IL1RAP: variants seen among roughly 807,000 people sequenced by gnomAD.
IL1RAP encodes the protein interleukin 1 receptor accessory protein, also known as interleukin-1 receptor accessory protein.
Under a neutral mutation model 60.7 loss-of-function variants are expected in IL1RAP, and 35 were observed. The observed-to-expected ratio is 0.58, with a 90% confidence interval of 0.44 to 0.76. The LOEUF (loss-of-function observed/expected upper bound fraction) is 0.76, where lower values mean the gene tolerates loss of function less well. Among genes scored for constraint, IL1RAP ranks in the 30% least tolerant of loss-of-function variants. The pLI is 0.00. For synonymous variants in IL1RAP, 268 were observed against 250.9 expected (o/e 1.07, Z -0.64); for missense variants, 572 against 693.9 (o/e 0.82, Z 1.97).
intron 2 of IL1RAP, among the ~76,000 whole-genome samples, chr3:190,559,202 A>G (rs933285919): frequency 1.3e-5 from 2 of 152,174 alleles, no homozygotes; most frequent in Admixed American, 1.3e-4. Context: ...CCTTATTACC[A>G]TTTGAATATC....
rs138017535 is a variant in IL1RAP at position 190,646,894 on chromosome 3, A to T, written c.1345+1052A>T. ...TTCAGTATAATTTTTCCAGGAAGTT[A>T]TGACTTAATTATACAGTTAAAGGAT... On this transcript the variant is annotated intron_variant, in intron 11 of 11. Transcript: ENST00000447382. Among the ~76,000 whole-genome samples the T allele has an allele frequency of 2.1e-3, 324 of 152,334 alleles. 1 individual carries two copies. The highest frequency in any genetic ancestry group is 6.9e-3 in the African/African-American group (287 of 41,582).
At chr3:190,654,944 T>C (rs1019762907), downstream of IL1RAP, among the ~76,000 whole-genome samples, 2 of 152,200 alleles carry the variant, frequency 1.3e-5, no homozygotes, top group African/African-American at 2.4e-5. Context: ...TAGAATCGAA[T>C]GGTTTGCCAG....
In IL1RAP at chr3:190,521,255, G is replaced by A. The variant is rs138683737; in HGVS notation, c.-89+7036G>A. Among the ~76,000 whole-genome samples the A allele has an allele frequency of 5.3e-3, 806 of 151,964 alleles. 5 individuals are homozygous for A. The highest frequency in any genetic ancestry group is 0.018 in the African/African-American group (766 of 41,456). ...TTTTTTTAATATAGAACTTTAAGTC[G>A]TCAAAATGCTTGTTATTGTATATGC... On this transcript the variant is annotated intron_variant, in intron 1 of 11. Coordinates refer to ENST00000447382, the MANE Select transcript of IL1RAP (RefSeq NM_002182.4).
At chr3:190,587,183 G>A (rs931552050) in intron 3 of IL1RAP, among the ~76,000 whole-genome samples, 2 of 152,202 alleles carry the variant, frequency 1.3e-5, no homozygotes, top group African/African-American at 4.8e-5. Context: ...AAGCAGGAAA[G>A]TGACTTGGTC....
chr3:190,607,229 G>C (rs1356573846), intron 4 of IL1RAP, among the ~76,000 whole-genome samples: 1 of 151,950 alleles, frequency 6.6e-6, no homozygotes, highest in Non-Finnish European at 1.5e-5. Context: ...CCTCCCAAAT[G>C]TTATTTAGAC....
rs201322511 is a variant in IL1RAP, at chr3:190,524,082, CGTT to C, written c.-89+9866_-89+9868del. Among the ~76,000 whole-genome samples the C allele has an allele frequency of 8.4e-3, 1,278 of 152,080 alleles. 17 individuals are homozygous for C. The highest frequency in any genetic ancestry group is 0.029 in the African/African-American group (1,211 of 41,458). On this transcript the variant is annotated intron_variant, in intron 1 of 11. Transcript: ENST00000447382. Reference sequence around the variant, plus strand: ...TTCTGACTGGTGTGAGATGGTATCTCGTTGTAGTTTTGATTTGAATTTCTCTAA... The same window carrying C: ...TTCTGACTGGTGTGAGATGGTATCTCGTAGTTTTGATTTGAATTTCTCTAA...
At chr3:190,525,441 G>T (rs1722427812) in intron 1 of IL1RAP, among the ~76,000 whole-genome samples, 1 of 152,228 alleles carries the variant, frequency 6.6e-6, no homozygotes, top group Admixed American at 6.5e-5. Context: ...GGTCAGACTG[G>T]TCTTGCAGGC....
At chr3:190,541,986 G>A (rs1723975979) in intron 1 of IL1RAP, among the ~76,000 whole-genome samples, 1 of 152,132 alleles carries the variant, frequency 6.6e-6, no homozygotes, top group African/African-American at 2.4e-5. Flanking sequence ...TTATACAAGT[G>A]ATGCCACACT....
chr3:190,568,058 A>T (rs1726575094), intron 3 of IL1RAP, among the ~76,000 whole-genome samples: 1 of 152,180 alleles, frequency 6.6e-6, no homozygotes, highest in African/African-American at 2.4e-5. Context: ...TAGTGAATTT[A>T]AAAAATATTA....
intron 3 of IL1RAP, among the ~76,000 whole-genome samples, chr3:190,592,029 G>C (rs565018214): frequency 6.6e-6 from 1 of 152,268 alleles, no homozygotes; most frequent in Non-Finnish European, 1.5e-5. Flanking sequence ...TGGTTTGTTT[G>C]TTTGTTTTGA....
chr3:190,614,802 T>G (rs938740851), intron 5 of IL1RAP, among the ~76,000 whole-genome samples: 1 of 152,120 alleles, frequency 6.6e-6, no homozygotes, highest in Non-Finnish European at 1.5e-5. Context: ...CTAGAACTGA[T>G]GTAAGGAGGG....
At chr3:190,656,067 G>A (rs116127803), downstream of IL1RAP, 2,704 of 1,537,132 alleles carry the variant, frequency 1.8e-3, 47 homozygotes, top group African/African-American at 0.033. Flanking sequence ...TTGAGCACCC[G>A]CACCCAGGCA....
chr3:190,542,288 C>A (rs1206860408), intron 1 of IL1RAP, among the ~76,000 whole-genome samples: 1 of 152,132 alleles, frequency 6.6e-6, no homozygotes, highest in Admixed American at 6.5e-5. Context: ...TCAGGGCAGA[C>A]AATCTGTTGC....
intron 3 of IL1RAP, among the ~76,000 whole-genome samples, chr3:190,588,216 C>T (rs1036375637): frequency 7.9e-5 from 12 of 152,186 alleles, no homozygotes; most frequent in Admixed American, 5.2e-4. Flanking sequence ...TGGGTTCAAG[C>T]GATTCTCCTG....
intron 9 of IL1RAP, among the ~76,000 whole-genome samples, chr3:190,635,541 G>A (rs1560234602): frequency 6.6e-6 from 1 of 152,126 alleles, no homozygotes. Context: ...ATGTTGAAAT[G>A]TCGAGTTTTT....
intron 1 of IL1RAP, among the ~76,000 whole-genome samples, chr3:190,533,662 T>G (rs892033545): frequency 1.3e-5 from 2 of 152,192 alleles, no homozygotes; most frequent in Non-Finnish European, 2.9e-5. Context: ...CAGTCGTGTC[T>G]GTGACCAGAG....
At chr3:190,558,682 A>T (rs910962161) in intron 2 of IL1RAP, among the ~76,000 whole-genome samples, 1 of 152,018 alleles carries the variant, frequency 6.6e-6, no homozygotes, top group Non-Finnish European at 1.5e-5. Context: ...AATTTTTCTC[A>T]ATGTCTTAGG....
chr3:190,645,632 T>C lies in IL1RAP; in HGVS notation c.1202-67T>C, dbSNP rs1284226565. On this transcript the variant is annotated intron_variant, in intron 10 of 11. Coordinates refer to ENST00000447382, the MANE Select transcript of IL1RAP (RefSeq NM_002182.4). Reference sequence around the variant, plus strand: ...AATGTCTAATATGCAGAAGTTAGATTTAAGAAAAATGTAATGGTATTGAGA... The same window carrying C: ...AATGTCTAATATGCAGAAGTTAGATCTAAGAAAAATGTAATGGTATTGAGA... 6.8e-6 allele frequency: 9 copies of C among 1,317,512 alleles called. No homozygotes were observed. The East Asian group carries it at 2.1e-4, about 31-fold the overall frequency. 81.6% of individuals were successfully genotyped at this position (1,317,512 alleles called of 1,614,324 possible).
At chr3:190,576,971 G>A (rs1342890466) in intron 3 of IL1RAP, among the ~76,000 whole-genome samples, 2 of 151,840 alleles carry the variant, frequency 1.3e-5, no homozygotes, top group Non-Finnish European at 2.9e-5. Context: ...CGCGGTGGCG[G>A]GCGCCTGTAG....
Sources: allele counts gnomAD v4.1 joint callset (sites outside exome capture counted in the v4.1 genomes callset), GRCh38; gene constraint gnomAD v4.1.1; transcripts MANE v1.5; gene names NCBI Gene and HGNC (gene_info 2026-07-23, HGNC 2026-07-21).